ADGRD1: variants seen among roughly 807,000 people sequenced by gnomAD.
The protein encoded by ADGRD1 is G-protein coupled receptor 133.
A neutral mutation model predicts 113.4 loss-of-function variants in ADGRD1; 77 were observed. The observed-to-expected ratio is 0.68, with a 90% CI of 0.57 to 0.82. The LOEUF (loss-of-function observed/expected upper bound fraction) is 0.82. ADGRD1 is among the 40% of genes least tolerant of loss of function. ADGRD1 has a pLI of 0.00. For missense variants in ADGRD1, 1,036 were observed against 1,139.1 expected (o/e 0.91, Z 1.30); for synonymous variants, 474 against 475.0 (o/e 1.00, Z 0.03).
chr12:131,051,267 C>T (rs1344674862), intron 13 of ADGRD1, among the ~76,000 whole-genome samples: 1 of 152,204 alleles, frequency 6.6e-6, no homozygotes. Context: ...TTCCTTGTTT[C>T]TTTTGATTGA....
chr12:131,021,492 T>C (rs1378364241), intron 13 of ADGRD1, among the ~76,000 whole-genome samples: 2 of 152,114 alleles, frequency 1.3e-5, no homozygotes, highest in Non-Finnish European at 2.9e-5. Context: ...GGAAGTGAAA[T>C]GGTCCTTTCT....
At position 131,022,747 on chromosome 12, in the gene ADGRD1, G is replaced by T. The variant is rs1225937789; in HGVS notation, c.1473+8407G>T. The T allele has an allele frequency of 6.6e-6, 1 of 151,958 alleles. No individual in the cohort carries two copies. Among genetic ancestry groups the T allele is most frequent in the East Asian group, 1.9e-4 (1 of 5,164 alleles). 9.4% of individuals were successfully genotyped at this position (151,958 alleles called of 1,614,324 possible). A position where few individuals can be genotyped will look rare whatever the true frequency, so the allele number is the denominator to read the frequency against. On this transcript the variant is annotated intron_variant, in intron 13 of 24. Transcript: ENST00000261654. This position sits in a 1 kb window ranked among gnomAD's most constrained non-coding sequence, Gnocchi z 4.6. Reference sequence around the variant, plus strand: ...TCCCTAAGGAGCCCTGGTGCCTTTGGTTGGAGAATGGCGTTTAGAAAGCAG... The same window carrying T: ...TCCCTAAGGAGCCCTGGTGCCTTTGTTTGGAGAATGGCGTTTAGAAAGCAG...
At chr12:131,110,395 G>T (rs1950324218) in intron 18 of ADGRD1, among the ~76,000 whole-genome samples, 1 of 150,428 alleles carries the variant, frequency 6.6e-6, no homozygotes, top group Admixed American at 6.6e-5. Flanking sequence ...TTGACCTAAT[G>T]CTTACTATAT....
chr12:131,003,175 G>T lies in ADGRD1; in HGVS notation c.1027-10G>T. ...GATTTTCATGGCTCCTGGTGCTTGT[G>T]TTGCTGCAGGACAGCGCCGTGGTAC... On this transcript the variant is annotated splice_polypyrimidine_tract_variant and intron_variant, in intron 9 of 24. Transcript: ENST00000261654. The surrounding 1 kb of genome is among the most constrained non-coding windows in gnomAD (Gnocchi z 4.8). 2 of 1,604,008 alleles carry T rather than the reference G, an allele frequency of 1.2e-6. No homozygotes were observed. Among genetic ancestry groups the T allele is most frequent in the Non-Finnish European group, 1.7e-6 (2 of 1,170,916 alleles).
In ADGRD1 at chr12:131,084,561, G is replaced by A. The variant is rs377065064; in HGVS notation, c.1569G>A (p.Ser523=). 2.4e-5 allele frequency: 38 copies of A among 1,613,974 alleles called. No individual in the cohort carries two copies. In the Middle Eastern group the frequency reaches 4.9e-4, roughly 21 times the overall value. Residue 523 remains serine, a synonymous_variant, in exon 15 of 25, where the codon TCG becomes TCA. Coordinates refer to ENST00000261654, the MANE Select transcript of ADGRD1 (RefSeq NM_198827.5). This position sits in a 1 kb window ranked among gnomAD's most constrained non-coding sequence, Gnocchi z 4.5. ...TCAGCTCCGGAGAAGGGGTCTGGTC[G>A]AACCACGGCTGTGCGCTCACGAGAG... ...LDFSSGEGVW[S]NHGCALTRGN...
intron 13 of ADGRD1, among the ~76,000 whole-genome samples, chr12:131,043,430 G>C (rs966794499): frequency 1.3e-5 from 2 of 152,232 alleles, no homozygotes; most frequent in African/African-American, 2.4e-5. Flanking sequence ...CCAGCTCTGG[G>C]CTCCTCCAGC....
intron 15 of ADGRD1, among the ~76,000 whole-genome samples, chr12:131,092,819 A>C (rs1366326747): frequency 6.6e-6 from 1 of 152,192 alleles, no homozygotes; most frequent in Non-Finnish European, 1.5e-5. Flanking sequence ...CAGAGGCTTA[A>C]ATTTTTAAAA....
intron 13 of ADGRD1, among the ~76,000 whole-genome samples, chr12:131,036,925 A>C (rs1205791691): frequency 7.3e-6 from 1 of 136,998 alleles, no homozygotes; most frequent in African/African-American, 2.8e-5. Context: ...TCACTACACC[A>C]GGTCTCAGTC....
At chr12:131,028,619 G>T (rs117479422) in intron 13 of ADGRD1, among the ~76,000 whole-genome samples, 2 of 152,172 alleles carry the variant, frequency 1.3e-5, no homozygotes, top group Non-Finnish European at 2.9e-5. Flanking sequence ...TGTGTCTGCA[G>T]TGCAGTAGGG....
At chr12:131,131,270 G>A (rs1396324700) in intron 20 of ADGRD1, among the ~76,000 whole-genome samples, 4 of 152,208 alleles carry the variant, frequency 2.6e-5, no homozygotes, top group Non-Finnish European at 5.9e-5. Flanking sequence ...TCGCACAGCC[G>A]CAGGCCTGGG....
chr12:131,052,292 C>T (rs1287434518), intron 13 of ADGRD1, among the ~76,000 whole-genome samples: 1 of 152,186 alleles, frequency 6.6e-6, no homozygotes, highest in Non-Finnish European at 1.5e-5. Flanking sequence ...TGGTCAGGGC[C>T]GTGTCCTGAG....
At chr12:130,970,039 T>A (rs1871430332) in intron 3 of ADGRD1, 1 of 152,244 alleles carries the variant, frequency 6.6e-6, no homozygotes, top group Non-Finnish European at 1.5e-5. Context: ...CAGCATTTCG[T>A]CTGTAGCTGG....
At chr12:130,956,009 G>A (rs188778662) in intron 2 of ADGRD1, among the ~76,000 whole-genome samples, 2 of 152,178 alleles carry the variant, frequency 1.3e-5, no homozygotes, top group Admixed American at 6.5e-5. Flanking sequence ...GGCTGGTCTC[G>A]ATCTCCTGAC....
intron 9 of ADGRD1, among the ~76,000 whole-genome samples, chr12:131,001,223 C>T (rs1411400396): frequency 6.6e-6 from 1 of 152,122 alleles, no homozygotes; most frequent in Non-Finnish European, 1.5e-5. Flanking sequence ...AAAAGCTTCT[C>T]TTGTTCTCTT....
At position 131,084,133 on chromosome 12, in the gene ADGRD1, C is replaced by T. The variant is rs149282436; in HGVS notation, c.1548-407C>T. Among the ~76,000 whole-genome samples the T allele has an allele frequency of 1.9e-3, 293 of 152,364 alleles. 2 individuals carry two copies. Among genetic ancestry groups the T allele is most frequent in the African/African-American group, 7.0e-3 (290 of 41,580 alleles). On this transcript the variant is annotated intron_variant, in intron 14 of 24. Transcript: ENST00000261654. The surrounding 1 kb of genome is among the most constrained non-coding windows in gnomAD (Gnocchi z 4.5). ...CCCCGATGGGCATTTATGTTACCGT[C>T]ACTCATGATTCAGTGACTGGGCTTG...
rs1320078980 is a variant in ADGRD1 at position 131,050,703 on chromosome 12, A to G, written c.1474-26098A>G. 1.3e-5 allele frequency among the ~76,000 whole-genome samples: 2 copies of G among 152,080 alleles called. No homozygotes were observed. The highest frequency in any genetic ancestry group is 2.9e-5 in the Non-Finnish European group (2 of 68,004). On this transcript the variant is annotated intron_variant, in intron 13 of 24. Coordinates refer to ENST00000261654, the MANE Select transcript of ADGRD1 (RefSeq NM_198827.5). This position sits in a 1 kb window ranked among gnomAD's most constrained non-coding sequence, Gnocchi z 4.8. ...GGTGTTAAGCCAGCGGTCCCCAGAC[A>G]TTTTGGCACCAGGGACTGGTTTCGT...
chr12:131,116,893 G>A (rs1174356713), intron 18 of ADGRD1, among the ~76,000 whole-genome samples: 1 of 152,228 alleles, frequency 6.6e-6, no homozygotes, highest in Non-Finnish European at 1.5e-5. Flanking sequence ...ATAACGAGAA[G>A]TGTGTTCTTT....
intron 18 of ADGRD1, among the ~76,000 whole-genome samples, chr12:131,115,565 GCTC>G (rs1250225172): frequency 6.6e-6 from 1 of 152,092 alleles, no homozygotes; most frequent in African/African-American, 2.4e-5. Flanking sequence ...CATAACCCAT[GCTC>G]CTCACCTGCC....
At chr12:131,052,382 C>T (rs1883485734) in intron 13 of ADGRD1, among the ~76,000 whole-genome samples, 1 of 152,254 alleles carries the variant, frequency 6.6e-6, no homozygotes, top group African/African-American at 2.4e-5. Flanking sequence ...TTCTCGTCTT[C>T]TCACCTGTTC....
Sources: gnomAD v4.1 joint callset for allele counts (sites outside exome capture counted in the v4.1 genomes callset) on GRCh38, gnomAD v4.1.1 for gene constraint, Gnocchi (gnomAD v3.1) non-coding constraint, MANE v1.5 for transcripts, NCBI Gene and HGNC (gene_info 2026-07-23, HGNC 2026-07-21) for gene names.